Variants in MBOAT2 observed in about 807,000 individuals in gnomAD.
The protein encoded by MBOAT2 is membrane-bound glycerophospholipid O-acyltransferase 2.
Under a neutral mutation model 63.4 loss-of-function variants are expected in MBOAT2, and 28 were observed. The observed-to-expected ratio is 0.44, with a 90% CI of 0.33 to 0.61. The LOEUF is 0.61. Ranked by LOEUF, MBOAT2 falls within the 20% of genes least tolerant of loss-of-function variation. MBOAT2 has a pLI of 0.03. For missense variants in MBOAT2, 470 were observed against 605.8 expected, an observed-to-expected ratio of 0.78 and a Z score of 2.35; for synonymous variants, 211 against 215.6, an observed-to-expected ratio of 0.98 and a Z score of 0.19.
intron 1 of MBOAT2, among the ~76,000 whole-genome samples, chr2:8,975,797 C>CAAAAAAAAAAAA (rs75305828): frequency 1.6e-5 from 1 of 60,704 alleles, no homozygotes; most frequent in Admixed American, 2.0e-4. Flanking sequence ...ATGAACAATA[C>CAAAAAAAAAAAA]AAAAAAAAAA....
intron 1 of MBOAT2, among the ~76,000 whole-genome samples, chr2:8,999,649 T>A (rs1427664295): frequency 6.6e-6 from 1 of 152,198 alleles, no homozygotes; most frequent in African/African-American, 2.4e-5. Context: ...TTGGGCCTTT[T>A]CTTGGCACAG....
chr2:8,922,163 T>C (rs768566110), intron 3 of MBOAT2, among the ~76,000 whole-genome samples: 16 of 152,220 alleles, frequency 1.1e-4, no homozygotes, highest in Admixed American at 2.6e-4. Context: ...GTAGCACTTA[T>C]CATGAATTTT....
In MBOAT2 at chr2:8,860,089, G is replaced by T. The variant is rs542984857; in HGVS notation, c.1337+524C>A. On this transcript the variant is annotated intron_variant, in intron 12 of 12. Transcript: ENST00000305997. ...TGTAATCCCAACTACTTGGGAGGCT[G>T]AGGCAGAGAATTGCTTGAACCTGGG... 1.4e-3 allele frequency among the ~76,000 whole-genome samples: 218 copies of T among 152,152 alleles called. 1 individual carries two copies. The highest frequency in any genetic ancestry group is 6.8e-3 in the Middle Eastern group (2 of 294).
At chr2:8,897,207 G>A (rs1664546339) in intron 4 of MBOAT2, among the ~76,000 whole-genome samples, 1 of 148,208 alleles carries the variant, frequency 6.7e-6, no homozygotes, top group African/African-American at 2.6e-5. Context: ...TTCCATCTTT[G>A]TCTCTTCCTC....
chr2:8,966,193 C>G (rs1292470303), intron 1 of MBOAT2, among the ~76,000 whole-genome samples: 1 of 152,142 alleles, frequency 6.6e-6, no homozygotes, highest in Non-Finnish European at 1.5e-5. Context: ...GCGTAACAAA[C>G]TATACACTTA....
At chr2:8,866,851 T>C (rs959540024) in intron 9 of MBOAT2, among the ~76,000 whole-genome samples, 1 of 152,196 alleles carries the variant, frequency 6.6e-6, no homozygotes, top group African/African-American at 2.4e-5. Context: ...AGAAATCCGA[T>C]TCAGATTTGG....
chr2:8,975,270 A>G (rs536606937), intron 1 of MBOAT2, among the ~76,000 whole-genome samples: 12 of 152,120 alleles, frequency 7.9e-5, no homozygotes, highest in Non-Finnish European at 1.5e-4. Flanking sequence ...TTCAACCTAG[A>G]AAGTAGAACC....
Position 8,917,290 on chromosome 2 carries a change from A to G in MBOAT2, c.300-8574T>C, listed in dbSNP as rs573336657. Among the ~76,000 whole-genome samples, 63 of 152,338 alleles carry G rather than the reference A, an allele frequency of 4.1e-4. 1 individual carries two copies. Among genetic ancestry groups the G allele is most frequent in the African/African-American group, 1.5e-3 (63 of 41,578 alleles). On this transcript the variant is annotated intron_variant, in intron 3 of 12. Transcript: ENST00000305997. ...CAAAATTTAAAAGTTCTGCTCTTCA[A>G]AATTCACCACTAAGGAAAGGAAAAG... is the stretch of plus-strand genomic sequence containing the variant.
chr2:8,985,576 G>A (rs553878830), intron 1 of MBOAT2, among the ~76,000 whole-genome samples: 2 of 152,132 alleles, frequency 1.3e-5, no homozygotes, highest in South Asian at 4.1e-4. Context: ...TCCCCGCCCT[G>A]TCCCCTAGCT....
At chr2:8,973,424 C>T (rs1670592015) in intron 1 of MBOAT2, among the ~76,000 whole-genome samples, 2 of 151,422 alleles carry the variant, frequency 1.3e-5, no homozygotes, top group Non-Finnish European at 2.9e-5. Flanking sequence ...ATGTAAATGC[C>T]GAGTTAATGG....
At chr2:8,960,343 T>C (rs1202921900) in intron 1 of MBOAT2, among the ~76,000 whole-genome samples, 4 of 152,196 alleles carry the variant, frequency 2.6e-5, no homozygotes, top group African/African-American at 9.7e-5. Flanking sequence ...ACATGGGAAA[T>C]CTAAACATGC....
Position 8,867,507 on chromosome 2 carries a change from C to T in MBOAT2, c.987+939G>A, listed in dbSNP as rs190528417. 2.0e-4 allele frequency among the ~76,000 whole-genome samples: 30 copies of T among 152,254 alleles called. 1 individual carries two copies. Among genetic ancestry groups the T allele is most frequent in the Admixed American group, 1.8e-3 (27 of 15,286 alleles). Reference sequence around the variant, plus strand: ...CTGAGTGTCTGACCATGATCTGCCTCGTGGACAACTCACTAAGTCTGTGAT... The same window carrying T: ...CTGAGTGTCTGACCATGATCTGCCTTGTGGACAACTCACTAAGTCTGTGAT... On this transcript the variant is annotated intron_variant, in intron 9 of 12. Transcript: ENST00000305997.
chr2:8,873,675 T>G lies in MBOAT2; in HGVS notation c.691-375A>C, dbSNP rs1270880899. Among the ~76,000 whole-genome samples the G allele has an allele frequency of 3.9e-5, 6 of 152,374 alleles. No individual in the cohort carries two copies. In the South Asian group the frequency reaches 8.3e-4, roughly 21 times the overall value. The stretch of plus-strand genomic sequence containing the variant: ...TAAATTTTATATGGATATATATATT[T>G]TTTCCATTGTGTCTTTTCTGTATTT... On this transcript the variant is annotated intron_variant, in intron 7 of 12. Transcript: ENST00000305997.
chr2:8,889,023 C>G (rs776112239), intron 4 of MBOAT2, among the ~76,000 whole-genome samples: 19 of 152,166 alleles, frequency 1.2e-4, no homozygotes, highest in Non-Finnish European at 1.9e-4. Flanking sequence ...TGTTTTGCCT[C>G]AAGGTAGACT....
intron 1 of MBOAT2, among the ~76,000 whole-genome samples, chr2:8,967,069 A>G (rs1670046291): frequency 6.6e-6 from 1 of 152,210 alleles, no homozygotes; most frequent in Non-Finnish European, 1.5e-5. Flanking sequence ...ATTCAGAGGA[A>G]TATATATACA....
At chr2:8,929,358 A>ATTCATTCG (rs1553366720) in intron 3 of MBOAT2, among the ~76,000 whole-genome samples, 2 of 152,096 alleles carry the variant, frequency 1.3e-5, no homozygotes, top group African/African-American at 4.8e-5. Context: ...TCATTCATTC[A>ATTCATTCG]TTCATTCATT....
At chr2:8,992,977 T>C (rs942551558) in intron 1 of MBOAT2, among the ~76,000 whole-genome samples, 3 of 152,144 alleles carry the variant, frequency 2.0e-5, no homozygotes, top group African/African-American at 7.2e-5. Context: ...CTGGAGGACA[T>C]GGAGGGTGGG....
intron 4 of MBOAT2, among the ~76,000 whole-genome samples, chr2:8,893,600 G>A (rs1045116780): frequency 3.9e-5 from 6 of 152,226 alleles, no homozygotes; most frequent in African/African-American, 1.4e-4. Context: ...AGAAGCCAGT[G>A]GCGCTGAAGG....
intron 4 of MBOAT2, among the ~76,000 whole-genome samples, chr2:8,900,883 C>T (rs1226191840): frequency 6.6e-6 from 1 of 152,010 alleles, no homozygotes; most frequent in East Asian, 1.9e-4. Flanking sequence ...AGAGAGAATA[C>T]TGGGGCCAGG....
Sources: allele counts gnomAD v4.1 joint callset (sites outside exome capture counted in the v4.1 genomes callset), GRCh38; gene constraint gnomAD v4.1.1; transcripts MANE v1.5; gene names NCBI Gene and HGNC (gene_info 2026-07-23, HGNC 2026-07-21).